The following CARF variants were observed in gnomAD, a reference collection of about 807,000 sequenced individuals.
CARF encodes calcium responsive transcription factor, also known as calcium-responsive transcription factor.
Under a neutral mutation model 82.0 loss-of-function variants are expected in CARF, and 57 were observed. The observed-to-expected ratio is 0.70, with a 90% CI of 0.56 to 0.87. The LOEUF (loss-of-function observed/expected upper bound fraction) is 0.87. Ranked by LOEUF, CARF falls within the 40% of genes least tolerant of loss-of-function variation. The pLI, the probability that CARF is intolerant of heterozygous loss-of-function variation, is 0.00. For missense variants in CARF, 771 were observed against 855.8 expected (o/e 0.90, Z 1.24); for synonymous variants, 268 against 290.1 (o/e 0.92, Z 0.77).
chr2:202,942,585 A>C (rs2058281774), intron 4 of CARF, 155 bp from the exon 5 acceptor site: 1 of 668,520 alleles, frequency 1.5e-6, no homozygotes, highest in South Asian at 6.7e-5. Flanking sequence ...AATTTTACTT[A>C]AGAAATACTT....
At chr2:202,927,858 C>T (rs1024005987) in intron 3 of CARF, among the ~76,000 whole-genome samples, 6 of 150,106 alleles carry the variant, frequency 4.0e-5, no homozygotes, top group African/African-American at 7.4e-5. Context: ...GGAGTGCCAG[C>T]GGCGTGATCA....
rs1250070572 is a variant in CARF, at chr2:202,942,833, C to T, written c.172C>T (p.Leu58Phe). The T allele has an allele frequency of 1.9e-6, 3 of 1,613,966 alleles. No homozygotes were observed. The highest frequency in any genetic ancestry group is 2.5e-6 in the Non-Finnish European group (3 of 1,179,956). Reference sequence around the variant, plus strand: ...CACTACTCGTGAAGCAAATAATTCACTCATATCACAGAATATACCAGGGCC... The same window carrying T: ...CACTACTCGTGAAGCAAATAATTCATTCATATCACAGAATATACCAGGGCC... ...PITTREANNS[L>F]ISQNIPGPLT... is the part of the protein sequence containing the mutation. The change falls in exon 5 of 17, where the codon CTC becomes TTC. Residue 58 changes from leucine to phenylalanine, a missense_variant. Physicochemically the swap from Leu to Phe is conservative, Grantham distance 22 (BLOSUM62 0). Coordinates refer to ENST00000438828, the MANE Select transcript of CARF (RefSeq NM_024744.17).
chr2:202,917,486 G>A (rs1449893073), intron 1 of CARF, among the ~76,000 whole-genome samples: 1 of 152,094 alleles, frequency 6.6e-6, no homozygotes, highest in African/African-American at 2.4e-5. Flanking sequence ...TCTAGGGTTT[G>A]GGAGGTAGGG....
chr2:202,964,095 C>T (rs1442647436), intron 9 of CARF, among the ~76,000 whole-genome samples: 2 of 152,068 alleles, frequency 1.3e-5, no homozygotes, highest in Admixed American at 1.3e-4. Context: ...ACAGCTCAGG[C>T]CTGGTTTCGC....
intron 9 of CARF, chr2:202,962,229 T>G (rs1010059649): frequency 1.3e-5 from 2 of 152,226 alleles, no homozygotes; most frequent in Non-Finnish European, 2.9e-5. Flanking sequence ...TGGAGGCTCA[T>G]GCCTCTAATC....
In CARF at chr2:202,986,887, T is replaced by TATAC. The variant is rs1208375184; in HGVS notation, c.*3266_*3267insCATA. ...CTGTGCGTATATATATATATATATA[T>TATAC]ATATATATATATATATATATAGCAA... On this transcript the variant is annotated 3_prime_UTR_variant, in exon 17 of 17. Coordinates refer to ENST00000438828, the MANE Select transcript of CARF (RefSeq NM_024744.17). 1.1e-5 allele frequency: 1 copy of TATAC among 89,544 alleles called. No homozygotes were observed. Among genetic ancestry groups the TATAC allele is most frequent in the African/African-American group, 3.7e-5 (1 of 26,692 alleles). 5.5% of individuals were successfully genotyped at this position (89,544 alleles called of 1,614,324 possible).
Position 202,954,130 on chromosome 2 carries a change from A to ACTTTTTTC in CARF, c.554_555insTTTTTTCC (p.Gly186PhefsTer43). On this transcript the variant is annotated frameshift_variant, in exon 7 of 17. Coordinates refer to ENST00000438828, the MANE Select transcript of CARF (RefSeq NM_024744.17). LOFTEE classifies it high-confidence loss of function. ...CTTCCCATTGCCCAAAAAGTCAGTG[A>ACTTTTTTC]CCGGGTGAGTCCACGGGAAAGAGAA... 1 of 1,612,290 alleles carries ACTTTTTTC rather than the reference A, an allele frequency of 6.2e-7. No individual in the cohort carries two copies. The highest frequency in any genetic ancestry group is 8.5e-7 in the Non-Finnish European group (1 of 1,179,364).
intron 5 of CARF, among the ~76,000 whole-genome samples, chr2:202,949,476 A>G (rs998394665): frequency 6.7e-6 from 1 of 149,086 alleles, no homozygotes; most frequent in Admixed American, 6.7e-5. Context: ...TTTTAAAGAA[A>G]TATACCTTCC....
intron 3 of CARF, chr2:202,925,339 C>A: frequency 3.1e-6 from 1 of 318,864 alleles, no homozygotes. Flanking sequence ...GATCTGTGAG[C>A]TGTAGTCCCA....
chr2:202,925,153 G>A, intron 3 of CARF: 1 of 334,536 alleles, frequency 3.0e-6, no homozygotes, highest in South Asian at 2.6e-5. Flanking sequence ...GGAGAGACCA[G>A]TGGAGGACTA....
chr2:202,974,686 G>A (rs2059952567), intron 13 of CARF, among the ~76,000 whole-genome samples, 190 bp downstream of exon 13: 1 of 151,890 alleles, frequency 6.6e-6, no homozygotes, highest in African/African-American at 2.4e-5. Flanking sequence ...ATCACCTGCG[G>A]TCAGAAGTTT....
At chr2:202,957,775 C>T (rs112023880) in intron 8 of CARF, among the ~76,000 whole-genome samples, 1,725 of 151,998 alleles carry the variant, frequency 0.011, 27 homozygotes, top group African/African-American at 0.039. Context: ...GCCAACGTGG[C>T]GAAACCCCAT....
chr2:202,961,595 A>G, intron 9 of CARF, 169 bp downstream of exon 9: 1 of 599,246 alleles, frequency 1.7e-6, no homozygotes, highest in Non-Finnish European at 2.9e-6. Flanking sequence ...ATAATCAATT[A>G]CTTTATAATA....
At chr2:202,938,155 G>A (rs937198524) in intron 3 of CARF, 1 of 152,008 alleles carries the variant, frequency 6.6e-6, no homozygotes, top group Admixed American at 6.6e-5. Context: ...ATTGACGGTA[G>A]TTACCCTGTT....
intron 5 of CARF, among the ~76,000 whole-genome samples, chr2:202,946,795 A>C (rs577845146): frequency 2.0e-5 from 3 of 152,380 alleles, no homozygotes; most frequent in African/African-American, 7.2e-5. Context: ...CAAATTTACA[A>C]GAAAATCCAT....
intron 5 of CARF, among the ~76,000 whole-genome samples, chr2:202,945,380 A>G (rs183227643): frequency 4.3e-4 from 66 of 152,248 alleles, no homozygotes; most frequent in African/African-American, 1.2e-3. Context: ...TTATGTAGGT[A>G]CACTCAGATT....
chr2:202,937,800 T>C (rs1694188255), intron 3 of CARF, among the ~76,000 whole-genome samples: 1 of 152,046 alleles, frequency 6.6e-6, no homozygotes, highest in South Asian at 2.1e-4. Flanking sequence ...AGTTTTTATA[T>C]TTTTAGTAGA....
chr2:202,969,823 T>C, intron 10 of CARF, 96 bp from the exon 11 acceptor site: 1 of 777,978 alleles, frequency 1.3e-6, no homozygotes, highest in Non-Finnish European at 1.9e-6. Flanking sequence ...GAATTTTCTC[T>C]AAGCTTAAAT....
chr2:202,925,277 T>C, intron 3 of CARF: 1 of 357,922 alleles, frequency 2.8e-6, no homozygotes, highest in South Asian at 2.5e-5. Context: ...GAATCTCACC[T>C]GGAAGAGCTG....
Sources: allele counts gnomAD v4.1 joint callset (sites outside exome capture counted in the v4.1 genomes callset), GRCh38; gene constraint gnomAD v4.1.1; transcripts MANE v1.5; gene names NCBI Gene and HGNC (gene_info 2026-07-23, HGNC 2026-07-21).